Variants in CREBBP observed in about 807,000 individuals in gnomAD.
The protein encoded by CREBBP is CREB binding lysine acetyltransferase, also known as CREB-binding protein.
In CREBBP, 19 loss-of-function variants were observed where a neutral mutation model predicts 265.0. That is an observed-to-expected ratio of 0.07 (90% CI 0.05 to 0.11). The LOEUF is 0.11. Among genes scored for constraint, CREBBP ranks in the 10% least tolerant of loss-of-function variants. The probability of loss-of-function intolerance (pLI) is 1.00; values close to 1 mark genes in which losing one functional copy is unlikely to be tolerated. For missense variants in CREBBP, 2,525 were observed against 3,219.0 expected (o/e 0.78, Z 5.22); for synonymous variants, 1,457 against 1,223.7 (o/e 1.19, Z -3.98).
In CREBBP at chr16:3,850,630, T is replaced by C; in HGVS notation, c.465A>G (p.Ala155=). ...PAASQALNPQ[A]QKQVGLATSS... ...TAGTCGCCAGCCCCACTTGCTTTTG[T>C]GCTTGCGGATTCAGTGCTTGGGAGG... The change falls in exon 2 of 31, where the codon GCA becomes GCG. Residue 155 remains alanine (A), a synonymous_variant. Coordinates refer to ENST00000262367, the MANE Select transcript of CREBBP (RefSeq NM_004380.3). The C allele has an allele frequency of 6.2e-7, 1 of 1,614,250 alleles. No homozygotes were observed. The highest frequency in any genetic ancestry group is 1.7e-5 in the Admixed American group (1 of 60,030).
chr16:3,862,851 C>G (rs1265429779), intron 1 of CREBBP, among the ~76,000 whole-genome samples: 4 of 152,162 alleles, frequency 2.6e-5, no homozygotes, highest in Non-Finnish European at 5.9e-5. Context: ...GTGTCCTTTC[C>G]CTCTGAAGTT....
At chr16:3,842,268 C>T (rs1000325254) in intron 2 of CREBBP, among the ~76,000 whole-genome samples, 7 of 152,186 alleles carry the variant, frequency 4.6e-5, no homozygotes, top group African/African-American at 1.7e-4. Flanking sequence ...CTCCGGACCC[C>T]TTGACCCGAA....
intron 11 of CREBBP, among the ~76,000 whole-genome samples, chr16:3,776,398 A>T (rs1393558990): frequency 6.6e-6 from 1 of 152,122 alleles, no homozygotes; most frequent in East Asian, 1.9e-4. Context: ...TCACTGCTTC[A>T]ACCAACCAAA....
chr16:3,849,445 GTGTGTGTGT>G (rs1567360610), intron 2 of CREBBP, among the ~76,000 whole-genome samples: 323 of 24,198 alleles, frequency 0.013, 23 homozygotes, highest in Non-Finnish European at 0.042. Flanking sequence ...GTGTGTGTGT[GTGTGTGTGT>G]GTGTGTGTGT....
chr16:3,765,918 C>T (rs2052841103), intron 16 of CREBBP, among the ~76,000 whole-genome samples: 1 of 152,086 alleles, frequency 6.6e-6, no homozygotes, highest in African/African-American at 2.4e-5. Context: ...CCCTGAATTC[C>T]TGGGCTCAAG....
At chr16:3,877,387 G>A (rs1484075332) in intron 1 of CREBBP, among the ~76,000 whole-genome samples, 1 of 152,196 alleles carries the variant, frequency 6.6e-6, no homozygotes, top group Non-Finnish European at 1.5e-5. Context: ...TAGTGGAGCA[G>A]TTACAACAGA....
At chr16:3,754,489 A>G (rs1245957123) in intron 19 of CREBBP, among the ~76,000 whole-genome samples, 1 of 152,168 alleles carries the variant, frequency 6.6e-6, no homozygotes, top group Non-Finnish European at 1.5e-5. Flanking sequence ...TGGAATTGCA[A>G]AGGAGAAATA....
intron 2 of CREBBP, among the ~76,000 whole-genome samples, chr16:3,813,716 CCTGGTATGAGCCAAG>C (rs1228549213): frequency 6.6e-6 from 1 of 152,198 alleles, no homozygotes; most frequent in Non-Finnish European, 1.5e-5. Context: ...TCACCAAGTG[CCTGGTATGAGCCAAG>C]CCCAGTTCTG....
At chr16:3,748,282 G>GA (rs370919351) in intron 21 of CREBBP, among the ~76,000 whole-genome samples, 56 of 140,494 alleles carry the variant, frequency 4.0e-4, no homozygotes, top group East Asian at 1.0e-3. Flanking sequence ...GTCTCAGGGG[G>GA]AAAAAAAAAA....
chr16:3,877,923 G>A (rs747014213), intron 1 of CREBBP, among the ~76,000 whole-genome samples: 2 of 152,184 alleles, frequency 1.3e-5, no homozygotes, highest in African/African-American at 2.4e-5. Flanking sequence ...GTAAAGGAAG[G>A]GGGAAAAGGT....
chr16:3,836,107 G>A (rs1001372573), intron 2 of CREBBP, among the ~76,000 whole-genome samples: 2 of 151,978 alleles, frequency 1.3e-5, no homozygotes, highest in African/African-American at 2.4e-5. Context: ...ATTCCATTAC[G>A]TGAGGTCTGA....
intron 2 of CREBBP, among the ~76,000 whole-genome samples, chr16:3,829,046 TTG>T (rs2054292753): frequency 6.6e-6 from 1 of 150,876 alleles, no homozygotes; most frequent in African/African-American, 2.5e-5. Context: ...ATACATAATT[TTG>T]AAAAATGCAA....
intron 13 of CREBBP, 22 bp downstream of exon 13, chr16:3,773,729 C>G: frequency 1.9e-6 from 3 of 1,611,960 alleles, no homozygotes; most frequent in Non-Finnish European, 2.5e-6. Flanking sequence ...TAGGGAGCCA[C>G]GGTCCCAGTG....
At position 3,731,374 on chromosome 16, in the gene CREBBP, G is replaced by C. The variant is rs1170833164; in HGVS notation, c.4990C>G (p.Arg1664Gly). The C allele has an allele frequency of 6.2e-7, 1 of 1,612,346 alleles. No individual in the cohort carries two copies. ...PLLSCDLMDG[R>G]DAFLTLARDK... Reference sequence around the variant, plus strand: ...CTGGCGAGGGTGAGGAAGGCGTCGCGCCCATCCATGAGGTCACAGCTGAGC... The same window carrying C: ...CTGGCGAGGGTGAGGAAGGCGTCGCCCCCATCCATGAGGTCACAGCTGAGC... Residue 1664 changes from arginine (R) to glycine (G), a missense_variant, in exon 30 of 31, where the codon CGC becomes GGC. Arg to Gly is a moderately radical substitution (Grantham distance 125). Around this residue, in one of 19 missense-constraint regions of CREBBP, gnomAD observed 62 missense variants for 156.2 expected, o/e 0.40. Transcript: ENST00000262367. This position sits in a 1 kb window ranked among gnomAD's most constrained non-coding sequence, Gnocchi z 7.7.
At chr16:3,733,190 G>T (rs1406126088) in intron 28 of CREBBP, among the ~76,000 whole-genome samples, 1 of 151,774 alleles carries the variant, frequency 6.6e-6, no homozygotes, top group Admixed American at 6.6e-5. Context: ...GTGAAACTCC[G>T]TCTCTACTAA....
chr16:3,822,355 G>A (rs995992110), intron 2 of CREBBP, among the ~76,000 whole-genome samples: 1 of 152,104 alleles, frequency 6.6e-6, no homozygotes. Flanking sequence ...AATAAAGATC[G>A]GACAGAACTC....
At chr16:3,849,424 T>C (rs2054746066) in intron 2 of CREBBP, among the ~76,000 whole-genome samples, 2 of 7,402 alleles carry the variant, frequency 2.7e-4, no homozygotes, top group African/African-American at 3.3e-4. Flanking sequence ...TGTGTGTGTG[T>C]GTGTGTGTGT....
chr16:3,880,004 G>A lies in CREBBP; in HGVS notation c.-88C>T, dbSNP rs760156825. Reference sequence around the variant, plus strand: ...GGGTCGGGGGCCCTGCCGGCTGCGAGGGAGAGGAGCGAGCGCGGGCCGCGA... The same window carrying A: ...GGGTCGGGGGCCCTGCCGGCTGCGAAGGAGAGGAGCGAGCGCGGGCCGCGA... On this transcript the variant is annotated 5_prime_UTR_variant, in exon 1 of 31. Transcript: ENST00000262367. The A allele has an allele frequency of 1.1e-5, 14 of 1,218,816 alleles. No homozygotes were observed. The highest frequency in any genetic ancestry group is 3.2e-5 in the East Asian group (1 of 30,976). The allele number at this position is 1,218,816 out of a possible 1,614,324, so 75.5% of individuals were successfully genotyped here.
intron 3 of CREBBP, among the ~76,000 whole-genome samples, chr16:3,795,994 AG>A (rs1055078123): frequency 1.3e-5 from 2 of 152,168 alleles, no homozygotes; most frequent in African/African-American, 4.8e-5. Context: ...CAGGACCCCA[AG>A]AAGGCCCACA....
Sources: gnomAD v4.1 joint callset for allele counts (sites outside exome capture counted in the v4.1 genomes callset) on GRCh38, gnomAD v4.1.1 for gene constraint, gnomAD v4.1.1 regional missense constraint, Gnocchi (gnomAD v3.1) non-coding constraint, MANE v1.5 for transcripts, NCBI Gene and HGNC (gene_info 2026-07-23, HGNC 2026-07-21) for gene names.